The following SLX4IP variants were observed in gnomAD, a reference collection of about 807,000 sequenced individuals.
The protein encoded by SLX4IP is SLX4 interacting protein.
A neutral mutation model predicts 32.9 loss-of-function variants in SLX4IP; 34 were observed. That is an observed-to-expected ratio of 1.03 (90% CI 0.79 to 1.38). SLX4IP has a LOEUF of 1.38. Among genes scored for constraint, SLX4IP ranks in the 40% most tolerant of loss-of-function variants. The pLI, the probability that SLX4IP is intolerant of heterozygous loss-of-function variation, is 0.00. For synonymous variants in SLX4IP, 172 were observed against 171.7 expected, an observed-to-expected ratio of 1.00 and a Z score of -0.01; for missense variants, 444 against 479.0, an observed-to-expected ratio of 0.93 and a Z score of 0.68.
intron 6 of SLX4IP, among the ~76,000 whole-genome samples, chr20:10,616,390 TGAAATAAATAAA>T (rs761347093): frequency 0.085 from 10,659 of 125,754 alleles, 639 homozygotes; most frequent in South Asian, 0.27. Context: ...AAAAAAAAAA[TGAAATAAATAAA>T]TAAATAAATA....
In SLX4IP at chr20:10,583,174, G is replaced by C. The variant is rs544935922; in HGVS notation, c.239-15501G>C. 3.3e-5 allele frequency among the ~76,000 whole-genome samples: 5 copies of C among 152,246 alleles called. No individual in the cohort carries two copies. The East Asian group carries it at 7.7e-4, about 23-fold the overall frequency. On this transcript the variant is annotated intron_variant, in intron 4 of 7. Transcript: ENST00000334534. The stretch of plus-strand genomic sequence containing the variant: ...TCCCTGCTCCCCCAACTATTTTAAA[G>C]TAGATTCTGGATGTCATTTAATTTT...
intron 2 of SLX4IP, among the ~76,000 whole-genome samples, chr20:10,474,396 C>G (rs1159879470): frequency 6.6e-6 from 1 of 152,220 alleles, no homozygotes; most frequent in South Asian, 2.1e-4. Flanking sequence ...CAGATATATT[C>G]TAAGCCCTAA....
At chr20:10,598,244 C>T (rs1339769947) in intron 4 of SLX4IP, among the ~76,000 whole-genome samples, 3 of 152,126 alleles carry the variant, frequency 2.0e-5, no homozygotes, top group Admixed American at 6.6e-5. Flanking sequence ...GAGAAGCCCT[C>T]TGTTAATTCC....
At chr20:10,451,023 A>AT (rs1261216498) in intron 1 of SLX4IP, among the ~76,000 whole-genome samples, 1 of 152,128 alleles carries the variant, frequency 6.6e-6, no homozygotes, top group Non-Finnish European at 1.5e-5. Flanking sequence ...AAGTGCTGGG[A>AT]TTACAGGCGT....
At chr20:10,485,419 C>T (rs535719341) in intron 2 of SLX4IP, among the ~76,000 whole-genome samples, 7 of 152,122 alleles carry the variant, frequency 4.6e-5, no homozygotes, top group African/African-American at 7.2e-5. Context: ...CTGGCCAACA[C>T]GGTGAAACCC....
intron 2 of SLX4IP, among the ~76,000 whole-genome samples, chr20:10,521,542 G>A (rs764553913): frequency 6.6e-6 from 1 of 152,090 alleles, no homozygotes; most frequent in African/African-American, 2.4e-5. Flanking sequence ...GAGCTAATTA[G>A]TATTTTCTTT....
chr20:10,512,445 C>T (rs2065814892), intron 2 of SLX4IP, among the ~76,000 whole-genome samples: 1 of 150,986 alleles, frequency 6.6e-6, no homozygotes, highest in African/African-American at 2.4e-5. Flanking sequence ...GGGTTTTGCT[C>T]TGTCAACCAG....
intron 1 of SLX4IP, among the ~76,000 whole-genome samples, chr20:10,450,000 T>G (rs1217344037): frequency 1.3e-5 from 2 of 151,996 alleles, no homozygotes; most frequent in Non-Finnish European, 2.9e-5. Context: ...GTTGAAAATG[T>G]GAAAATGTAA....
At chr20:10,611,084 G>A (rs1444366047) in intron 6 of SLX4IP, among the ~76,000 whole-genome samples, 2 of 152,180 alleles carry the variant, frequency 1.3e-5, no homozygotes, top group Admixed American at 6.5e-5. Context: ...CTAAAGTATG[G>A]TTGTAACGTT....
chr20:10,445,771 C>T (rs1356158071), intron 1 of SLX4IP, among the ~76,000 whole-genome samples: 2 of 151,516 alleles, frequency 1.3e-5, no homozygotes, highest in Admixed American at 1.3e-4. Context: ...ACTACAGGCA[C>T]ATGCCACTAA....
intron 2 of SLX4IP, among the ~76,000 whole-genome samples, chr20:10,477,913 TTTG>T (rs1467965096): frequency 4.0e-5 from 6 of 151,598 alleles, no homozygotes; most frequent in African/African-American, 1.2e-4. Context: ...TTTTTTTTTT[TTTG>T]AAACGGAGTC....
At chr20:10,475,386 T>C (rs1019917503) in intron 2 of SLX4IP, among the ~76,000 whole-genome samples, 3 of 152,252 alleles carry the variant, frequency 2.0e-5, no homozygotes, top group South Asian at 2.1e-4. Flanking sequence ...TAGTCAAGGC[T>C]CTTTGGAAGG....
At chr20:10,487,594 TGATTA>T (rs1250917492) in intron 2 of SLX4IP, among the ~76,000 whole-genome samples, 1 of 152,148 alleles carries the variant, frequency 6.6e-6, no homozygotes, top group Non-Finnish European at 1.5e-5. Context: ...CTGGGTGTCT[TGATTA>T]GTCAGCCACT....
At chr20:10,530,973 C>T (rs1348169812) in intron 2 of SLX4IP, among the ~76,000 whole-genome samples, 2 of 152,216 alleles carry the variant, frequency 1.3e-5, no homozygotes, top group South Asian at 4.1e-4. Context: ...GTGAAGTCCT[C>T]AGCTTTACAA....
At chr20:10,462,338 T>A (rs538454651) in intron 2 of SLX4IP, among the ~76,000 whole-genome samples, 1 of 152,230 alleles carries the variant, frequency 6.6e-6, no homozygotes, top group South Asian at 2.1e-4. Context: ...GAGCTGTGAG[T>A]GAATACACAA....
chr20:10,519,471 A>G (rs1254773365), intron 2 of SLX4IP, among the ~76,000 whole-genome samples: 2 of 152,214 alleles, frequency 1.3e-5, no homozygotes, highest in African/African-American at 4.8e-5. Context: ...GTTATACAAC[A>G]CGTGGTGTTT....
chr20:10,491,047 C>T (rs1600925307), intron 2 of SLX4IP, among the ~76,000 whole-genome samples: 2 of 149,878 alleles, frequency 1.3e-5, no homozygotes, highest in South Asian at 4.2e-4. Context: ...GGTTTTGTCA[C>T]GTTGCTGTCA....
At chr20:10,609,593 G>C (rs2083827931) in intron 6 of SLX4IP, among the ~76,000 whole-genome samples, 2 of 152,098 alleles carry the variant, frequency 1.3e-5, no homozygotes, top group Admixed American at 1.3e-4. Flanking sequence ...GCTCTCTCCT[G>C]GTTAGCCCTA....
intron 3 of SLX4IP, among the ~76,000 whole-genome samples, 179 bp downstream of exon 3, chr20:10,556,499 A>T (rs1422723995): frequency 6.6e-6 from 1 of 152,186 alleles, no homozygotes; most frequent in Non-Finnish European, 1.5e-5. Flanking sequence ...TCCTTCAGAA[A>T]CTGACACATT....
Sources: allele counts gnomAD v4.1 joint callset (sites outside exome capture counted in the v4.1 genomes callset), GRCh38; gene constraint gnomAD v4.1.1; transcripts MANE v1.5; gene names NCBI Gene and HGNC (gene_info 2026-07-23, HGNC 2026-07-21).